The following ZRANB2 variants were observed in gnomAD, a reference collection of about 807,000 sequenced individuals.
ZRANB2 encodes the protein zinc finger Ran-binding domain-containing protein 2.
Under a neutral mutation model 53.4 loss-of-function variants are expected in ZRANB2, and 19 were observed. The ratio of observed to expected loss-of-function variants is 0.36; its 90% CI spans 0.25 to 0.52. ZRANB2 has a LOEUF of 0.52. Ranked by LOEUF, ZRANB2 falls within the 20% of genes least tolerant of loss-of-function variation. The pLI is 0.93. For missense variants in ZRANB2, 309 were observed against 401.1 expected, an observed-to-expected ratio of 0.77 and a Z score of 1.96; for synonymous variants, 145 against 134.8, an observed-to-expected ratio of 1.08 and a Z score of -0.52.
rs373037504 is a variant in ZRANB2 at position 71,065,152 on chromosome 1, G to C, written c.930-15C>G. On this transcript the variant is annotated splice_polypyrimidine_tract_variant and intron_variant, in intron 9 of 9. Coordinates refer to ENST00000370920, the MANE Select transcript of ZRANB2 (RefSeq NM_203350.3). ...ACCTGTGGCGTCTGTAAGACATAAT[G>C]GAGAGAGTAGGCATTCTAGTAAGCT... The C allele has an allele frequency of 1.1e-4, 177 of 1,594,610 alleles. No homozygotes were observed. In the African/African-American group the frequency reaches 2.0e-3, roughly 18 times the overall value.
rs1331615738 is a variant in ZRANB2, at chr1:71,081,030, G to A, written c.-35C>T. ...CACCAGCACAGCCACCCGCAGCTAT[G>A]TCTTCACAGGAGGAAAACGGGCCGG... On this transcript the variant is annotated 5_prime_UTR_variant, in exon 1 of 10. Coordinates refer to ENST00000370920, the MANE Select transcript of ZRANB2 (RefSeq NM_203350.3). 2.5e-6 allele frequency: 4 copies of A among 1,613,874 alleles called. No homozygotes were observed. The African/African-American group carries it at 4.0e-5, about 16-fold the overall frequency.
chr1:71,067,487 A>G, intron 8 of ZRANB2: 1 of 294,980 alleles, frequency 3.4e-6, no homozygotes, highest in South Asian at 3.1e-5. Flanking sequence ...AAGATGATTT[A>G]TATTTACAAT....
chr1:71,069,219 T>G, intron 8 of ZRANB2, 57 bp downstream of exon 8: 2 of 1,425,966 alleles, frequency 1.4e-6, no homozygotes, highest in Non-Finnish European at 1.9e-6. Context: ...AGCAACACCT[T>G]CTGCAGCCTT....
chr1:71,074,799 T>C (rs529972477), intron 4 of ZRANB2, among the ~76,000 whole-genome samples: 1 of 152,266 alleles, frequency 6.6e-6, no homozygotes, highest in South Asian at 2.1e-4. Flanking sequence ...TTCTCTTTTA[T>C]TCATATCCTG....
At chr1:71,070,739 T>G in intron 7 of ZRANB2, 88 bp downstream of exon 7, 1 of 787,318 alleles carries the variant, frequency 1.3e-6, no homozygotes, top group Non-Finnish European at 1.9e-6. Context: ...AAGGAAAGTT[T>G]ATTTCGTCAA....
At chr1:71,073,571 C>T (rs1300361001) in intron 4 of ZRANB2, among the ~76,000 whole-genome samples, 1 of 151,768 alleles carries the variant, frequency 6.6e-6, no homozygotes, top group Non-Finnish European at 1.5e-5. Context: ...AATATAGCAT[C>T]TTTTCTTCAT....
chr1:71,080,710 T>C (rs1028586713), intron 1 of ZRANB2, among the ~76,000 whole-genome samples: 3 of 152,004 alleles, frequency 2.0e-5, no homozygotes, highest in Non-Finnish European at 4.4e-5. Flanking sequence ...AGAGGCTACC[T>C]TGCGGAGGTA....
Position 71,081,008 on chromosome 1 carries a change from C to G in ZRANB2, c.-13G>C. 1.9e-6 allele frequency: 3 copies of G among 1,614,138 alleles called. No homozygotes were observed. The highest frequency in any genetic ancestry group is 2.5e-6 in the Non-Finnish European group (3 of 1,180,028). On this transcript the variant is annotated 5_prime_UTR_variant, in exon 1 of 10. Coordinates refer to ENST00000370920, the MANE Select transcript of ZRANB2 (RefSeq NM_203350.3). The stretch of plus-strand genomic sequence containing the variant: ...TCTTGGTCGACATCTTGAACGCCAC[C>G]AGCACAGCCACCCGCAGCTATGTCT...
intron 4 of ZRANB2, 32 bp from the exon 5 acceptor site, chr1:71,072,580 T>C (rs1661618349): frequency 1.3e-6 from 2 of 1,524,484 alleles, no homozygotes; most frequent in Admixed American, 1.8e-5. Context: ...TGTTACCCTA[T>C]GACAATTGAT....
intron 4 of ZRANB2, among the ~76,000 whole-genome samples, chr1:71,076,323 C>T (rs558855998): frequency 1.3e-5 from 2 of 152,318 alleles, no homozygotes; most frequent in South Asian, 4.1e-4. Context: ...CGCCAAATAA[C>T]TTTAACAGTT....
At chr1:71,066,979 A>T in intron 8 of ZRANB2, 45 bp from the exon 9 acceptor site, 2 of 1,522,826 alleles carry the variant, frequency 1.3e-6, no homozygotes, top group Non-Finnish European at 8.8e-7. Context: ...TAAAAGAAGA[A>T]ATAAGGAAGA....
chr1:71,070,472 A>G (rs1339542904), intron 7 of ZRANB2, among the ~76,000 whole-genome samples: 3 of 152,180 alleles, frequency 2.0e-5, no homozygotes, highest in African/African-American at 7.2e-5. Context: ...AGCCTTTAAC[A>G]TCTTGAATGA....
In ZRANB2 at chr1:71,066,858, T is replaced by C. The variant is rs755722096; in HGVS notation, c.847A>G (p.Arg283Gly). The C allele has an allele frequency of 1.4e-5, 22 of 1,612,544 alleles. No homozygotes were observed. Among genetic ancestry groups the C allele is most frequent in the Non-Finnish European group, 1.7e-5 (20 of 1,179,524 alleles). ...CTAGAACGACTTCTCTTTCTGTTCCTCTCAGGAGAAGATGATGAACTTGAA... is the reference window on the plus strand; with the variant it reads ...CTAGAACGACTTCTCTTTCTGTTCCCCTCAGGAGAAGATGATGAACTTGAA... ...SYSSSSSSPE[R>G]NRKRSRSRSS... Residue 283 changes from arginine to glycine, a missense_variant, in exon 9 of 10, where the codon AGG (arginine) becomes GGG (glycine). This residue lies in a region of ZRANB2 where 211 missense variants were observed against 196.1 expected (regional missense o/e 1.08). Coordinates refer to ENST00000370920, the MANE Select transcript of ZRANB2 (RefSeq NM_203350.3).
rs1661455886 is a variant in ZRANB2 at position 71,066,898 on chromosome 1, T to C, written c.807A>G (p.Pro269=). 1 of 1,602,060 alleles carries C rather than the reference T, an allele frequency of 6.2e-7. No homozygotes were observed. The highest frequency in any genetic ancestry group is 1.3e-5 in the African/African-American group (1 of 74,508). The part of the protein sequence containing the change: ...SSRSHRGSSS[P]RKRSYSSSSS... ...ATGAACTTGAATAAGATCTTTTTCGTGGGGAAGAAGAGCCCCTGTGGGACC... is the reference window on the plus strand; with the variant it reads ...ATGAACTTGAATAAGATCTTTTTCGCGGGGAAGAAGAGCCCCTGTGGGACC... Residue 269 remains proline (P), a synonymous_variant, in exon 9 of 10, where the codon CCA becomes CCG. Coordinates refer to ENST00000370920, the MANE Select transcript of ZRANB2 (RefSeq NM_203350.3).
Position 71,080,910 on chromosome 1 carries a change from G to A in ZRANB2, c.56+30C>T, listed in dbSNP as rs747922401. ...CGGAAAGCTTCCACTAACAAACTCC[G>A]TCCCAATTCAGGACCCTTCTTGAAC... On this transcript the variant is annotated intron_variant, in intron 1 of 9. Coordinates refer to ENST00000370920, the MANE Select transcript of ZRANB2 (RefSeq NM_203350.3). The A allele has an allele frequency of 2.5e-6, 4 of 1,612,858 alleles. No homozygotes were observed. The African/African-American group carries it at 5.3e-5, about 22-fold the overall frequency.
rs531825188 is a variant in ZRANB2, at chr1:71,081,021, C to A, written c.-26G>T. On this transcript the variant is annotated 5_prime_UTR_variant, in exon 1 of 10. Coordinates refer to ENST00000370920, the MANE Select transcript of ZRANB2 (RefSeq NM_203350.3). ...CTTGAACGCCACCAGCACAGCCACC[C>A]GCAGCTATGTCTTCACAGGAGGAAA... The A allele has an allele frequency of 1.2e-6, 2 of 1,614,052 alleles. No homozygotes were observed. The highest frequency in any genetic ancestry group is 8.5e-7 in the Non-Finnish European group (1 of 1,180,002).
chr1:71,079,228 G>T (rs931852712), intron 1 of ZRANB2, among the ~76,000 whole-genome samples: 4 of 151,998 alleles, frequency 2.6e-5, no homozygotes, highest in Non-Finnish European at 4.4e-5. Flanking sequence ...TTCAATAATT[G>T]TAAGAAAACT....
intron 8 of ZRANB2, 32 bp from the exon 9 acceptor site, chr1:71,066,966 C>A: frequency 1.3e-6 from 2 of 1,532,012 alleles, no homozygotes; most frequent in East Asian, 2.3e-5. Context: ...TCAAACATTT[C>A]ATTAAAAGAA....
Position 71,067,818 on chromosome 1 carries a change from C to A in ZRANB2, c.771-884G>T, listed in dbSNP as rs141523280. Reference sequence around the variant, plus strand: ...AACTTAAGGATTTTTACCTATAAAGCGCTTAAATATTGTTACTAAATAATG... The same window carrying A: ...AACTTAAGGATTTTTACCTATAAAGAGCTTAAATATTGTTACTAAATAATG... On this transcript the variant is annotated intron_variant, in intron 8 of 9. Transcript: ENST00000370920. The A allele has an allele frequency of 2.5e-4, 85 of 346,842 alleles. 1 individual carries two copies. In the East Asian group the frequency reaches 4.2e-3, roughly 17 times the overall value. 21.5% of individuals were successfully genotyped at this position (346,842 alleles called of 1,614,324 possible). A position where few individuals can be genotyped will look rare whatever the true frequency, so the allele number is the denominator to read the frequency against.
Sources: gnomAD v4.1 joint callset for allele counts (sites outside exome capture counted in the v4.1 genomes callset) on GRCh38, gnomAD v4.1.1 for gene constraint, gnomAD v4.1.1 regional missense constraint, MANE v1.5 for transcripts, NCBI Gene and HGNC (gene_info 2026-07-23, HGNC 2026-07-21) for gene names.